The following LRRC4C variants were observed in gnomAD, a reference collection of about 807,000 sequenced individuals.
The protein encoded by LRRC4C is leucine rich repeat containing 4C.
LRRC4C carries 5 observed loss-of-function variants against 33.6 expected under a neutral mutation model. The observed-to-expected ratio is 0.15, with a 90% CI of 0.08 to 0.31. The LOEUF is 0.31. LRRC4C is among the 10% of genes least tolerant of loss of function. The pLI is 1.00. For synonymous variants in LRRC4C, 329 were observed against 302.0 expected, an observed-to-expected ratio of 1.09 and a Z score of -0.93; for missense variants, 560 against 796.7, an observed-to-expected ratio of 0.70 and a Z score of 3.58.
At chr11:41,306,929 A>AT (rs1950520727) in intron 1 of LRRC4C, among the ~76,000 whole-genome samples, 1 of 152,182 alleles carries the variant, frequency 6.6e-6, no homozygotes, top group South Asian at 2.1e-4. Flanking sequence ...ACACAGAGAT[A>AT]TTTTTCCATG....
chr11:41,062,048 T>C (rs1937812444), intron 1 of LRRC4C, among the ~76,000 whole-genome samples: 1 of 152,194 alleles, frequency 6.6e-6, no homozygotes. Flanking sequence ...TTAGAACATA[T>C]GCTGGCAGAA....
At chr11:40,513,610 G>T (rs1252612847) in intron 3 of LRRC4C, among the ~76,000 whole-genome samples, 1 of 152,114 alleles carries the variant, frequency 6.6e-6, no homozygotes, top group East Asian at 1.9e-4. Context: ...GCCAGGGCAG[G>T]GTTGCATTTT....
At chr11:40,314,924 G>A (rs1300508801) in intron 4 of LRRC4C, among the ~76,000 whole-genome samples, 1 of 151,988 alleles carries the variant, frequency 6.6e-6, no homozygotes, top group East Asian at 1.9e-4. Context: ...GAGATGGAGG[G>A]AGATTTGTTA....
At chr11:40,855,744 G>A (rs144520015) in intron 2 of LRRC4C, among the ~76,000 whole-genome samples, 1,850 of 152,142 alleles carry the variant, frequency 0.012, 14 homozygotes, top group Middle Eastern at 0.024. Context: ...TGGCCACCAG[G>A]CATATGCCTT....
intron 2 of LRRC4C, among the ~76,000 whole-genome samples, chr11:40,917,422 G>T (rs928639431): frequency 1.3e-5 from 2 of 152,134 alleles, no homozygotes; most frequent in Non-Finnish European, 2.9e-5. Context: ...GAGAGCATTT[G>T]CAGGATATTA....
intron 1 of LRRC4C, among the ~76,000 whole-genome samples, chr11:41,304,851 C>T (rs1290084529): frequency 1.9e-5 from 2 of 107,852 alleles, no homozygotes; most frequent in Non-Finnish European, 2.0e-5. Flanking sequence ...CCAGCCGCCC[C>T]ATCCGGGAGG....
intron 2 of LRRC4C, among the ~76,000 whole-genome samples, chr11:40,654,642 A>G (rs1262591746): frequency 6.6e-6 from 1 of 152,164 alleles, no homozygotes; most frequent in East Asian, 1.9e-4. Flanking sequence ...TTTGTCTCAG[A>G]TGAGACTTTG....
intron 3 of LRRC4C, among the ~76,000 whole-genome samples, chr11:40,418,297 A>C (rs1950400649): frequency 6.6e-6 from 1 of 152,322 alleles, no homozygotes; most frequent in East Asian, 1.9e-4. Flanking sequence ...AAAAGTGGCA[A>C]AGGAAAAGAA....
At chr11:41,205,519 G>C (rs556817274) in intron 1 of LRRC4C, among the ~76,000 whole-genome samples, 5 of 152,248 alleles carry the variant, frequency 3.3e-5, no homozygotes, top group African/African-American at 1.2e-4. Flanking sequence ...AAGGCTACCA[G>C]TGATTGTAGC....
At chr11:40,495,829 T>TTG (rs1555080875) in intron 3 of LRRC4C, among the ~76,000 whole-genome samples, 11 of 46,916 alleles carry the variant, frequency 2.3e-4, no homozygotes, top group South Asian at 1.9e-3. Context: ...TTTTTTTTTT[T>TTG]TTTTTTTTTT....
chr11:41,442,761 G>T (rs974840820), intron 1 of LRRC4C, among the ~76,000 whole-genome samples: 5 of 151,900 alleles, frequency 3.3e-5, no homozygotes, highest in Admixed American at 6.6e-5. Context: ...GAGCCACCGC[G>T]CCCGGCCTGT....
At chr11:40,895,316 A>T in intron 2 of LRRC4C, among the ~76,000 whole-genome samples, 2 of 150,392 alleles carry the variant, frequency 1.3e-5, no homozygotes, top group Admixed American at 1.3e-4. Flanking sequence ...CATATATTTT[A>T]AATATAATAT....
intron 3 of LRRC4C, among the ~76,000 whole-genome samples, chr11:40,559,855 C>T (rs571044441): frequency 5.9e-4 from 90 of 151,986 alleles, no homozygotes; most frequent in Non-Finnish European, 1.0e-3. Context: ...GCTTGTTGGC[C>T]ACAAGATACA....
At chr11:41,378,318 A>T (rs1346933278) in intron 1 of LRRC4C, among the ~76,000 whole-genome samples, 10 of 152,178 alleles carry the variant, frequency 6.6e-5, no homozygotes. Context: ...TTTACAATGT[A>T]AATTATTTTA....
At chr11:40,749,802 C>T (rs1403799882) in intron 2 of LRRC4C, among the ~76,000 whole-genome samples, 1 of 152,152 alleles carries the variant, frequency 6.6e-6, no homozygotes, top group East Asian at 1.9e-4. Flanking sequence ...GTCAAGGAGA[C>T]ATCAAAACTG....
intron 2 of LRRC4C, among the ~76,000 whole-genome samples, chr11:40,728,408 A>C (rs570107336): frequency 2.0e-5 from 3 of 152,036 alleles, no homozygotes; most frequent in South Asian, 4.2e-4. Context: ...GATCGAGACC[A>C]TCCTGGCTAA....
chr11:40,674,759 A>G (rs1231961060), intron 2 of LRRC4C, among the ~76,000 whole-genome samples: 2 of 152,232 alleles, frequency 1.3e-5, no homozygotes, highest in African/African-American at 4.8e-5. Context: ...ATCAAGCCTC[A>G]TATGCATAGA....
At chr11:40,786,891 A>G (rs1191105254) in intron 2 of LRRC4C, among the ~76,000 whole-genome samples, 1 of 151,976 alleles carries the variant, frequency 6.6e-6, no homozygotes, top group East Asian at 1.9e-4. Flanking sequence ...ATAAGAAAAT[A>G]CCCTAAGTTT....
chr11:40,727,788 CCTGTAATCCCAG>C (rs1469707913), intron 2 of LRRC4C, among the ~76,000 whole-genome samples: 1 of 152,104 alleles, frequency 6.6e-6, no homozygotes, highest in African/African-American at 2.4e-5. Context: ...ATGACTCACA[CCTGTAATCCCAG>C]CATTTTAGGA....
Sources: gnomAD v4.1 joint callset for allele counts (sites outside exome capture counted in the v4.1 genomes callset) on GRCh38, gnomAD v4.1.1 for gene constraint, MANE v1.5 for transcripts, NCBI Gene and HGNC (gene_info 2026-07-23, HGNC 2026-07-21) for gene names.